The following COG5 variants were observed in gnomAD, a reference collection of about 807,000 sequenced individuals.
COG5 encodes conserved oligomeric Golgi complex subunit 5.
A neutral mutation model predicts 110.4 loss-of-function variants in COG5; 86 were observed. That is an observed-to-expected ratio of 0.78 (90% CI 0.65 to 0.93). COG5 has a LOEUF of 0.93. COG5 is among the 40% of genes least tolerant of loss of function. COG5 has a pLI of 0.00. For missense variants in COG5, 1,077 were observed against 987.0 expected, an observed-to-expected ratio of 1.09 and a Z score of -1.22; for synonymous variants, 360 against 334.6, an observed-to-expected ratio of 1.08 and a Z score of -0.83.
intron 12 of COG5, among the ~76,000 whole-genome samples, chr7:107,296,393 T>C (rs1806750086): frequency 6.6e-6 from 1 of 151,986 alleles, no homozygotes; most frequent in African/African-American, 2.4e-5. Context: ...ATTTTATATA[T>C]ACTTTTAAAA....
intron 7 of COG5, among the ~76,000 whole-genome samples, chr7:107,402,454 A>G (rs746776350): frequency 6.6e-6 from 1 of 152,226 alleles, no homozygotes; most frequent in Non-Finnish European, 1.5e-5. Flanking sequence ...CTAATTCACA[A>G]GGTAAAGTCA....
At chr7:107,235,075 ATT>A in intron 18 of COG5, among the ~76,000 whole-genome samples, 1 of 152,196 alleles carries the variant, frequency 6.6e-6, no homozygotes, top group Non-Finnish European at 1.5e-5. Context: ...TCCCAGGAAT[ATT>A]ATTTGGAGAT....
chr7:107,559,729 G>A (rs955636874), intron 1 of COG5, among the ~76,000 whole-genome samples: 1 of 152,196 alleles, frequency 6.6e-6, no homozygotes, highest in African/African-American at 2.4e-5. Context: ...GATTTGCCAA[G>A]TGCTTCTCAG....
chr7:107,390,850 G>A (rs1790572686), intron 7 of COG5, among the ~76,000 whole-genome samples: 1 of 151,158 alleles, frequency 6.6e-6, no homozygotes, highest in African/African-American at 2.4e-5. Context: ...ACAGAAAAGG[G>A]GGAGATGTAG....
intron 8 of COG5, among the ~76,000 whole-genome samples, chr7:107,364,747 A>G (rs1201909017): frequency 6.6e-6 from 1 of 152,198 alleles, no homozygotes; most frequent in Non-Finnish European, 1.5e-5. Context: ...CAATTCAGAA[A>G]AGAATTACAT....
intron 14 of COG5, among the ~76,000 whole-genome samples, chr7:107,274,625 T>TA (rs1267474386): frequency 6.6e-6 from 1 of 152,098 alleles, no homozygotes; most frequent in Non-Finnish European, 1.5e-5. Flanking sequence ...GTCTTGTGAG[T>TA]AAACCCAGCC....
intron 6 of COG5, among the ~76,000 whole-genome samples, chr7:107,413,946 C>A (rs888540286): frequency 6.6e-6 from 1 of 152,216 alleles, no homozygotes; most frequent in Non-Finnish European, 1.5e-5. Context: ...GGCTAGTAAC[C>A]GGTAAAACAG....
chr7:107,508,694 C>A (rs567629951), intron 6 of COG5, among the ~76,000 whole-genome samples: 1 of 152,154 alleles, frequency 6.6e-6, no homozygotes, highest in Non-Finnish European at 1.5e-5. Flanking sequence ...TCCAGAGGAA[C>A]GATCAGGCAG....
chr7:107,490,777 T>C (rs902001440), intron 6 of COG5, among the ~76,000 whole-genome samples: 11 of 152,148 alleles, frequency 7.2e-5, no homozygotes, highest in Non-Finnish European at 1.5e-4. Context: ...AAGATCTAAA[T>C]GGTTTCAAAG....
In COG5 at chr7:107,474,697, C is replaced by T. The variant is rs1796862723; in HGVS notation, c.538+52540G>A. On this transcript the variant is annotated intron_variant, in intron 6 of 21. Coordinates refer to ENST00000297135, the MANE Select transcript of COG5 (RefSeq NM_006348.5). This position sits in a 1 kb window ranked among gnomAD's most constrained non-coding sequence, Gnocchi z 5.7. ...CACTGAACTGGGAATGTATTATCAC[C>T]TGTTAGTACAGATCCCAATATTCTT... is the stretch of plus-strand genomic sequence containing the variant. 1 of 1,610,282 alleles carries T rather than the reference C, an allele frequency of 6.2e-7. No individual in the cohort carries two copies. Among genetic ancestry groups the T allele is most frequent in the Admixed American group, 1.7e-5 (1 of 59,742 alleles).
chr7:107,335,786 T>C (rs991997174), intron 10 of COG5, among the ~76,000 whole-genome samples: 6 of 152,152 alleles, frequency 3.9e-5, no homozygotes, highest in Non-Finnish European at 7.3e-5. Context: ...AAAGATATTC[T>C]ATGCAACTGG....
chr7:107,508,156 T>C lies in COG5; in HGVS notation c.538+19081A>G, dbSNP rs185499590. Reference sequence around the variant, plus strand: ...AAAGAAAGGGGTGACAGAAGGCACCTGGAAAATCGGGTAACTCCCACCCTA... The same window carrying C: ...AAAGAAAGGGGTGACAGAAGGCACCCGGAAAATCGGGTAACTCCCACCCTA... On this transcript the variant is annotated intron_variant, in intron 6 of 21. Transcript: ENST00000297135. 4.2e-3 allele frequency among the ~76,000 whole-genome samples: 633 copies of C among 152,324 alleles called. 3 individuals carry two copies. Among genetic ancestry groups the C allele is most frequent in the Non-Finnish European group, 7.2e-3 (489 of 68,030 alleles).
In COG5 at chr7:107,276,553, T is replaced by C. The variant is rs1211847744; in HGVS notation, c.1575+4747A>G. Among the ~76,000 whole-genome samples the C allele has an allele frequency of 2.0e-5, 3 of 152,286 alleles. No homozygotes were observed. In the East Asian group the frequency reaches 5.8e-4, roughly 29 times the overall value. On this transcript the variant is annotated intron_variant, in intron 14 of 21. Transcript: ENST00000297135. ...TAGGCATGCTGGCATGCCCAGAGGC[T>C]GAAGCGGGAGGATACCTTGAGCCTG...
intron 8 of COG5, among the ~76,000 whole-genome samples, chr7:107,372,290 TAGAAGAAAAATA>T (rs932253961): frequency 1.3e-5 from 2 of 152,172 alleles, no homozygotes; most frequent in African/African-American, 4.8e-5. Flanking sequence ...ATAAGGATTT[TAGAAGAAAAATA>T]TGTTCCTTGC....
intron 6 of COG5, among the ~76,000 whole-genome samples, chr7:107,449,475 C>T (rs968595134): frequency 1.3e-5 from 2 of 152,174 alleles, no homozygotes; most frequent in African/African-American, 4.8e-5. Context: ...TTAAGTGATG[C>T]TATCATCTTC....
intron 5 of COG5, among the ~76,000 whole-genome samples, chr7:107,530,473 T>C (rs1801116524): frequency 6.6e-6 from 1 of 152,018 alleles, no homozygotes; most frequent in Admixed American, 6.6e-5. Flanking sequence ...TGGTGGCATA[T>C]GCCTGTAATC....
intron 18 of COG5, among the ~76,000 whole-genome samples, chr7:107,235,198 C>G (rs558960603): frequency 3.3e-5 from 5 of 152,324 alleles, no homozygotes; most frequent in African/African-American, 1.2e-4. Context: ...GAGGGAGCAC[C>G]TGACAACCAC....
chr7:107,282,351 T>C (rs1366125042), intron 13 of COG5, among the ~76,000 whole-genome samples: 1 of 152,176 alleles, frequency 6.6e-6, no homozygotes, highest in Non-Finnish European at 1.5e-5. Context: ...GAGATTCCTC[T>C]TTAACATTTA....
intron 10 of COG5, among the ~76,000 whole-genome samples, chr7:107,360,123 C>A (rs1562988236): frequency 6.6e-6 from 1 of 152,206 alleles, no homozygotes; most frequent in Admixed American, 6.5e-5. Flanking sequence ...TCGGGATGAC[C>A]AGCCTGTGGA....
Sources: gnomAD v4.1 joint callset for allele counts (sites outside exome capture counted in the v4.1 genomes callset) on GRCh38, gnomAD v4.1.1 for gene constraint, Gnocchi (gnomAD v3.1) non-coding constraint, MANE v1.5 for transcripts, NCBI Gene and HGNC (gene_info 2026-07-23, HGNC 2026-07-21) for gene names.